Variants in CFAP47 observed in about 807,000 individuals in gnomAD.
The protein encoded by CFAP47 is cilia- and flagella-associated protein 47.
A neutral mutation model predicts 148.1 loss-of-function variants in CFAP47; 29 were observed. The ratio of observed to expected loss-of-function variants is 0.20; its 90% confidence interval spans 0.15 to 0.27. The LOEUF is 0.27. Ranked by LOEUF, CFAP47 falls within the 10% of genes least tolerant of loss-of-function variation. The pLI is 1.00. For synonymous variants in CFAP47, 664 were observed against 577.3 expected (o/e 1.15, Z -2.15); for missense variants, 1,872 against 1,697.5 (o/e 1.10, Z -1.81).
At chrX:35,990,153 C>T (rs968897620) in intron 16 of CFAP47, 6 of 111,595 alleles carry the variant, frequency 5.4e-5, no homozygotes, top group Admixed American at 1.9e-4. Flanking sequence ...CATTCATATA[C>T]GAAGGCCTGA....
At chrX:36,144,961 G>A in intron 35 of CFAP47, 8 of 678,805 alleles carry the variant, frequency 1.2e-5, no homozygotes, top group Non-Finnish European at 1.6e-5. Context: ...GCTTCCCTGG[G>A]AGCCCCTATT....
intron 57 of CFAP47, among the ~76,000 whole-genome samples, chrX:36,322,213 G>T (rs1228900128): frequency 8.1e-5 from 9 of 111,028 alleles, no homozygotes; most frequent in Non-Finnish European, 1.7e-4. Flanking sequence ...TAATGCCAGT[G>T]CCATACAGTT....
In CFAP47 at chrX:35,991,860, C is replaced by T. The variant is rs1287071557; in HGVS notation, c.2884C>T (p.Leu962Phe). ...GGTTTTACTTTTGCAGCCAAGGATA[C>T]TCTTTAGTAATTGCCCTCAAGGTTT... ...TKVLLLQPRILFSNCPQGLTT... is the reference protein window; with the variant it reads ...TKVLLLQPRIFFSNCPQGLTT... The change falls in exon 17 of 64, where the codon CTC (leucine) becomes TTC (phenylalanine). Residue 962 changes from leucine to phenylalanine, a missense_variant. Physicochemically the swap from Leu to Phe is conservative, Grantham distance 22. Coordinates refer to ENST00000378653, the MANE Select transcript of CFAP47 (RefSeq NM_001304548.2). The T allele has an allele frequency of 3.4e-6, 1 of 294,585 alleles. No individual in the cohort carries two copies. Among genetic ancestry groups the T allele is most frequent in the Non-Finnish European group, 5.9e-6 (1 of 169,117 alleles). 24.3% of individuals were successfully genotyped at this position (294,585 alleles called of 1,213,427 possible).
chrX:36,192,808 G>T (rs1569285327), intron 42 of CFAP47, among the ~76,000 whole-genome samples: 1 of 111,813 alleles, frequency 8.9e-6, no homozygotes, highest in Non-Finnish European at 1.9e-5. Flanking sequence ...AATTGAAGAA[G>T]CCAGAAGGGA....
intron 48 of CFAP47, among the ~76,000 whole-genome samples, chrX:36,238,384 T>C (rs995154130): frequency 7.0e-4 from 79 of 112,486 alleles, no homozygotes; most frequent in African/African-American, 2.4e-3. Flanking sequence ...ATTAAAAATC[T>C]TTTTCTTTAT....
intron 18 of CFAP47, among the ~76,000 whole-genome samples, chrX:35,994,628 T>C (rs113404420): frequency 0.018 from 2,048 of 111,389 alleles, 48 homozygotes; most frequent in African/African-American, 0.062. Context: ...TTATAAATTA[T>C]ATATTATGAT....
chrX:36,166,100 C>T (rs759835938), intron 39 of CFAP47, among the ~76,000 whole-genome samples: 2 of 111,439 alleles, frequency 1.8e-5, no homozygotes, highest in African/African-American at 3.3e-5. Context: ...TTCATTTGTT[C>T]GCATGGATTG....
At chrX:36,371,874 GTA>G (rs782555800) in intron 62 of CFAP47, among the ~76,000 whole-genome samples, 5 of 83,558 alleles carry the variant, frequency 6.0e-5, no homozygotes, top group South Asian at 6.4e-4. Context: ...ACACACATGT[GTA>G]TATATGTGTG....
intron 46 of CFAP47, among the ~76,000 whole-genome samples, chrX:36,232,096 C>T (rs1328195387): frequency 7.2e-5 from 8 of 110,761 alleles, no homozygotes; most frequent in East Asian, 5.7e-4. Flanking sequence ...TGTCTCTGCC[C>T]GGCTTTGGTA....
At chrX:36,008,065 CCTAA>C (rs1365731581) in intron 21 of CFAP47, among the ~76,000 whole-genome samples, 2 of 111,243 alleles carry the variant, frequency 1.8e-5, no homozygotes, top group Non-Finnish European at 3.8e-5. Context: ...TCCTATCATC[CCTAA>C]CTTTGGGACC....
intron 33 of CFAP47, among the ~76,000 whole-genome samples, chrX:36,112,011 T>C (rs760238611): frequency 8.9e-6 from 1 of 111,911 alleles, no homozygotes; most frequent in South Asian, 3.7e-4. Context: ...TTTATTATTC[T>C]AGCTAATGGT....
At chrX:36,289,151 C>T (rs1430652207) in intron 51 of CFAP47, among the ~76,000 whole-genome samples, 2 of 108,512 alleles carry the variant, frequency 1.8e-5, no homozygotes, top group African/African-American at 6.7e-5. Flanking sequence ...CAGGCATGTG[C>T]CATCATGGCC....
intron 51 of CFAP47, among the ~76,000 whole-genome samples, chrX:36,292,921 TATA>T (rs1489415618): frequency 9.0e-6 from 1 of 111,396 alleles, no homozygotes; most frequent in Non-Finnish European, 1.9e-5. Context: ...AATAATTATA[TATA>T]ATATGTAATA....
chrX:36,263,723 T>C (rs1940856672), intron 49 of CFAP47, among the ~76,000 whole-genome samples: 1 of 111,518 alleles, frequency 9.0e-6, no homozygotes, highest in Middle Eastern at 4.2e-3. Context: ...AGAAACGTCA[T>C]CCAATAGACA....
At chrX:36,045,048 G>A (rs1252163344) in intron 25 of CFAP47, among the ~76,000 whole-genome samples, 1 of 111,482 alleles carries the variant, frequency 9.0e-6, no homozygotes, top group Non-Finnish European at 1.9e-5. Flanking sequence ...TTTCCAACTT[G>A]GATGCCCTTT....
chrX:36,138,181 C>A, intron 34 of CFAP47, 126 bp downstream of exon 34: 1 of 557,991 alleles, frequency 1.8e-6, no homozygotes, highest in Non-Finnish European at 2.7e-6. Flanking sequence ...ACACCTGAAT[C>A]TGCATGGCCA....
chrX:36,024,331 C>A (rs1234057513), intron 22 of CFAP47, among the ~76,000 whole-genome samples: 1 of 111,757 alleles, frequency 8.9e-6, no homozygotes, highest in East Asian at 2.8e-4. Flanking sequence ...AAAGTCCTTC[C>A]TGCTTTTGCC....
chrX:36,377,228 A>C (rs1202583454), intron 62 of CFAP47, among the ~76,000 whole-genome samples: 1 of 111,714 alleles, frequency 9.0e-6, no homozygotes, highest in Non-Finnish European at 1.9e-5. Context: ...GAACTAGTTT[A>C]CACTCCCACC....
chrX:36,274,196 A>G (rs782782457), intron 49 of CFAP47, among the ~76,000 whole-genome samples: 2 of 112,209 alleles, frequency 1.8e-5, no homozygotes, highest in Non-Finnish European at 3.8e-5. Flanking sequence ...TAAACTTTAA[A>G]TGAGTGAGTT....
Sources: gnomAD v4.1 joint callset for allele counts (sites outside exome capture counted in the v4.1 genomes callset) on GRCh38, gnomAD v4.1.1 for gene constraint, MANE v1.5 for transcripts, NCBI Gene and HGNC (gene_info 2026-07-23, HGNC 2026-07-21) for gene names.